Variants in CD44 observed in about 807,000 individuals in gnomAD.
The protein encoded by CD44 is CD44 antigen.
CD44 carries 49 observed loss-of-function variants against 88.8 expected under a neutral mutation model. The ratio of observed to expected loss-of-function variants is 0.55; its 90% CI spans 0.44 to 0.70. The LOEUF is 0.70. CD44 is among the 30% of genes least tolerant of loss of function. The pLI, the probability that CD44 is intolerant of heterozygous loss-of-function variation, is 0.00. For missense variants in CD44, 883 were observed against 913.8 expected (o/e 0.97, Z 0.43); for synonymous variants, 325 against 312.3 (o/e 1.04, Z -0.43).
chr11:35,164,764 T>C (rs562085139), intron 1 of CD44, among the ~76,000 whole-genome samples: 1 of 152,330 alleles, frequency 6.6e-6, no homozygotes, highest in South Asian at 2.1e-4. Flanking sequence ...GTGTTCTTAA[T>C]AATGAAGGGA....
At chr11:35,202,486 T>C (rs145783193) in intron 9 of CD44, among the ~76,000 whole-genome samples, 268 of 152,350 alleles carry the variant, frequency 1.8e-3, no homozygotes, top group African/African-American at 6.1e-3. Flanking sequence ...TTTCTTCTTT[T>C]ATCTATCCCG....
intron 5 of CD44, 93 bp downstream of exon 5, chr11:35,190,158 T>G (rs1946129414): frequency 8.9e-7 from 1 of 1,119,442 alleles, no homozygotes; most frequent in Non-Finnish European, 1.3e-6. Flanking sequence ...GTGCTGATTT[T>G]CTCGTCTCTA....
chr11:35,230,597 G>A lies in CD44; in HGVS notation c.*1264G>A, dbSNP rs1950013519. 1 of 152,196 alleles carries A rather than the reference G, an allele frequency of 6.6e-6. No homozygotes were observed. Among genetic ancestry groups the A allele is most frequent in the Non-Finnish European group, 1.5e-5 (1 of 68,026 alleles). The allele number at this position is 152,196 out of a possible 1,614,324, so 9.4% of individuals were successfully genotyped here. A position where few individuals can be genotyped will look rare whatever the true frequency, so the allele number is the denominator to read the frequency against. On this transcript the variant is annotated 3_prime_UTR_variant, in exon 18 of 18. Coordinates refer to ENST00000428726, the MANE Select transcript of CD44 (RefSeq NM_000610.4). Reference sequence around the variant, plus strand: ...CTGTTCTTGATGCAGTTGCTATTTAGGATGAGTTAAGTGCCTGGGGAGTCC... The same window carrying A: ...CTGTTCTTGATGCAGTTGCTATTTAAGATGAGTTAAGTGCCTGGGGAGTCC...
intron 1 of CD44, among the ~76,000 whole-genome samples, chr11:35,165,982 T>G (rs1341753991): frequency 6.6e-6 from 1 of 152,164 alleles, no homozygotes; most frequent in Non-Finnish European, 1.5e-5. Flanking sequence ...CTATAGACAT[T>G]AGCAGAAACT....
At chr11:35,174,946 A>G (rs1028955295) in intron 1 of CD44, among the ~76,000 whole-genome samples, 2 of 152,248 alleles carry the variant, frequency 1.3e-5, no homozygotes, top group African/African-American at 4.8e-5. Context: ...AACCACACAC[A>G]TCAATAGATG....
intron 1 of CD44, among the ~76,000 whole-genome samples, chr11:35,154,464 A>G (rs1156298609): frequency 6.6e-6 from 1 of 152,250 alleles, no homozygotes; most frequent in African/African-American, 2.4e-5. Flanking sequence ...TGACAAAACA[A>G]AAACAAAAAC....
intron 1 of CD44, among the ~76,000 whole-genome samples, chr11:35,166,366 C>T (rs16927009): frequency 0.081 from 12,311 of 151,934 alleles, 672 homozygotes; most frequent in African/African-American, 0.16. Context: ...GCCAGAAAGA[C>T]TCTGTTGGAT....
chr11:35,163,968 G>C (rs1211814771), intron 1 of CD44, among the ~76,000 whole-genome samples: 1 of 152,024 alleles, frequency 6.6e-6, no homozygotes, highest in African/African-American at 2.4e-5. Context: ...GATCGCAATA[G>C]TACTTATCTC....
intron 4 of CD44, 49 bp downstream of exon 4, chr11:35,186,949 G>A: frequency 9.1e-7 from 1 of 1,098,322 alleles, no homozygotes; most frequent in Non-Finnish European, 1.4e-6. Context: ...TTGGGGAAAG[G>A]GCTCAGGTGT....
chr11:35,181,866 T>C (rs1591098546), intron 3 of CD44, among the ~76,000 whole-genome samples: 1 of 62,172 alleles, frequency 1.6e-5, no homozygotes, highest in East Asian at 2.7e-4. Flanking sequence ...TAAATTTATA[T>C]ATATATATTA....
intron 15 of CD44, among the ~76,000 whole-genome samples, chr11:35,216,353 A>G (rs2134279044): frequency 6.6e-6 from 1 of 152,332 alleles, no homozygotes; most frequent in Admixed American, 6.5e-5. Context: ...GACCCCATGT[A>G]AATGATTTAA....
intron 1 of CD44, among the ~76,000 whole-genome samples, chr11:35,155,903 C>A (rs923310897): frequency 6.6e-6 from 1 of 152,124 alleles, no homozygotes; most frequent in South Asian, 2.1e-4. Context: ...TCTAAAGCAG[C>A]CCTCATATTA....
rs1307829802 is a variant in CD44 at position 35,230,857 on chromosome 11, C to G, written c.*1524C>G. ...AGCAACGGCTCCTGTTAAATGGTATCTCCTTTCTGAGGCTCCTACTAAAAG... is the reference window on the plus strand; with the variant it reads ...AGCAACGGCTCCTGTTAAATGGTATGTCCTTTCTGAGGCTCCTACTAAAAG... On this transcript the variant is annotated 3_prime_UTR_variant, in exon 18 of 18. Transcript: ENST00000428726. 3 of 152,226 alleles carry G rather than the reference C, an allele frequency of 2.0e-5. No homozygotes were observed. Among genetic ancestry groups the G allele is most frequent in the Non-Finnish European group, 4.4e-5 (3 of 68,054 alleles). The allele number at this position is 152,226 out of a possible 1,614,324, so 9.4% of individuals were successfully genotyped here. A position where few individuals can be genotyped will look rare whatever the true frequency, so the allele number is the denominator to read the frequency against.
intron 5 of CD44, 119 bp downstream of exon 5, chr11:35,190,184 G>A (rs950883885): frequency 3.5e-6 from 3 of 855,388 alleles, no homozygotes; most frequent in Non-Finnish European, 5.7e-6. Flanking sequence ...CTGGAAGCTG[G>A]TGATGCCATT....
intron 5 of CD44, among the ~76,000 whole-genome samples, chr11:35,191,617 G>A (rs186937109): frequency 6.6e-6 from 1 of 152,200 alleles, no homozygotes; most frequent in East Asian, 1.9e-4. Context: ...AATAATTAGT[G>A]GTCTCAGCAG....
Position 35,229,396 on chromosome 11 carries a change from G to T in CD44, c.*63G>T. 4.9e-6 allele frequency: 5 copies of T among 1,016,014 alleles called. No individual in the cohort carries two copies. Among genetic ancestry groups the T allele is most frequent in the South Asian group, 2.8e-5 (2 of 70,906 alleles). The allele number at this position is 1,016,014 out of a possible 1,614,324, so 62.9% of individuals were successfully genotyped here. A position where few individuals can be genotyped will look rare whatever the true frequency, so the allele number is the denominator to read the frequency against. On this transcript the variant is annotated 3_prime_UTR_variant, in exon 18 of 18. Transcript: ENST00000428726. ...AAACATAACCATTACAGGGAGCTGG[G>T]ACACTTAACAGATGCAATGTGCTAC...
intron 12 of CD44, among the ~76,000 whole-genome samples, chr11:35,208,657 G>A (rs1408178492): frequency 6.6e-6 from 1 of 152,170 alleles, no homozygotes; most frequent in Non-Finnish European, 1.5e-5. Flanking sequence ...TCAGTTCTCA[G>A]AGGAGAGGCA....
intron 5 of CD44, among the ~76,000 whole-genome samples, chr11:35,193,397 G>C (rs550780897): frequency 6.6e-6 from 1 of 152,346 alleles, no homozygotes; most frequent in Admixed American, 6.5e-5. Context: ...TGTGCCAGCT[G>C]TTGGCATTTT....
chr11:35,222,597 TAA>T (rs1491095519), intron 17 of CD44: 9 of 634,504 alleles, frequency 1.4e-5, no homozygotes, highest in African/African-American at 1.1e-4. Context: ...ATTTTATATA[TAA>T]TATATATATA....
Sources: allele counts gnomAD v4.1 joint callset (sites outside exome capture counted in the v4.1 genomes callset), GRCh38; gene constraint gnomAD v4.1.1; transcripts MANE v1.5; gene names NCBI Gene and HGNC (gene_info 2026-07-23, HGNC 2026-07-21).